HCST: variants seen among roughly 807,000 people sequenced by gnomAD.
HCST encodes the protein hematopoietic cell signal transducer.
In HCST, 12 loss-of-function variants were observed where a neutral mutation model predicts 10.8. That is an observed-to-expected ratio of 1.12 (90% CI 0.72 to 1.81). HCST has a LOEUF of 1.81. Among genes scored for constraint, HCST ranks in the 40% most tolerant of loss-of-function variants. HCST has a pLI of 0.00. For synonymous variants in HCST, 59 were observed against 51.6 expected (o/e 1.14, Z -0.61); for missense variants, 102 against 117.9 (o/e 0.87, Z 0.62).
At chr19:35,903,205 G>A (rs907473317) in intron 1 of HCST, 146 bp from the exon 2 acceptor site, 5 of 662,170 alleles carry the variant, frequency 7.6e-6, no homozygotes, top group Non-Finnish European at 1.4e-5. Context: ...TGCCCAGGCT[G>A]GTCTCGAACT....
In HCST at chr19:35,903,385, A is replaced by C. The variant is rs1283875947; in HGVS notation, c.78A>C (p.Ser26=). 1 of 1,613,870 alleles carries C rather than the reference A, an allele frequency of 6.2e-7. No individual in the cohort carries two copies. Among genetic ancestry groups the C allele is most frequent in the East Asian group, 2.2e-5 (1 of 44,872 alleles). The change falls in exon 2 of 4, where the codon TCA becomes TCC. Residue 26 remains serine, a synonymous_variant. Coordinates refer to ENST00000246551, the MANE Select transcript of HCST (RefSeq NM_014266.4). ...CTCAGACGACTCCAGGAGAGAGATC[A>C]TCACTCCCTGCCTTTTACCCTGGCA... The part of the protein sequence containing the change: ...AAAQTTPGER[S]SLPAFYPGTS...
In HCST at chr19:35,903,672, C is replaced by T; in HGVS notation, c.110-100C>T. 2.6e-6 allele frequency: 4 copies of T among 1,557,430 alleles called. 1 individual carries two copies. In the South Asian group the frequency reaches 4.5e-5, roughly 18 times the overall value. On this transcript the variant is annotated intron_variant, in intron 2 of 3. Transcript: ENST00000246551. ...AAGCGCAACTCCAAGGAACCTGGGA[C>T]CCGCCCCCTCGCAGGGGACTTCCTC...
chr19:35,902,839 G>T, intron 1 of HCST: 1 of 571,856 alleles, frequency 1.7e-6, no homozygotes, highest in Non-Finnish European at 3.1e-6. Flanking sequence ...GCCTGTTAGC[G>T]TCCCCTTCTC....
In HCST at chr19:35,904,115, C is replaced by A; in HGVS notation, c.242-5C>A. 1 of 1,614,022 alleles carries A rather than the reference C, an allele frequency of 6.2e-7. No individual in the cohort carries two copies. The highest frequency in any genetic ancestry group is 8.5e-7 in the Non-Finnish European group (1 of 1,179,930). ...AGCTTCATGCTTTCTCTCCCCTATC[C>A]CCAGAAGATGGCAAAGTCTACATCA... On this transcript the variant is annotated splice_polypyrimidine_tract_variant and splice_region_variant and intron_variant, in intron 3 of 3. Coordinates refer to ENST00000246551, the MANE Select transcript of HCST (RefSeq NM_014266.4).
rs1975653255 is a variant in HCST at position 35,903,968 on chromosome 19, G to A, written c.241+65G>A. On this transcript the variant is annotated intron_variant, in intron 3 of 3. Transcript: ENST00000246551. ...GTCCCTAGGGAGGGGGTCCCAGGGA[G>A]GGGGCCCTTGGGGAAGCCCTGGAGG... 2.5e-6 allele frequency: 4 copies of A among 1,573,546 alleles called. No homozygotes were observed. In the African/African-American group the frequency reaches 4.1e-5, roughly 16 times the overall value.
At chr19:35,903,647 A>G (rs1975638388) in intron 2 of HCST, 125 bp from the exon 3 acceptor site, 1 of 1,394,742 alleles carries the variant, frequency 7.2e-7, no homozygotes, top group African/African-American at 1.4e-5. Context: ...TTCATTCCCC[A>G]AGCGCAACTC....
intron 1 of HCST, 49 bp from the exon 2 acceptor site, chr19:35,903,302 T>C: frequency 6.5e-7 from 1 of 1,530,906 alleles, no homozygotes; most frequent in South Asian, 1.1e-5. Context: ...AGCATTCTGT[T>C]TTGTGGACCT....
chr19:35,903,647 A>C, intron 2 of HCST, 125 bp from the exon 3 acceptor site: 1 of 1,394,860 alleles, frequency 7.2e-7, no homozygotes, highest in Non-Finnish European at 1.0e-6. Context: ...TTCATTCCCC[A>C]AGCGCAACTC....
At position 35,903,966 on chromosome 19, in the gene HCST, G is replaced by A; in HGVS notation, c.241+63G>A. On this transcript the variant is annotated intron_variant, in intron 3 of 3. Transcript: ENST00000246551. Reference sequence around the variant, plus strand: ...GTGTCCCTAGGGAGGGGGTCCCAGGGAGGGGGCCCTTGGGGAAGCCCTGGA... The same window carrying A: ...GTGTCCCTAGGGAGGGGGTCCCAGGAAGGGGGCCCTTGGGGAAGCCCTGGA... The A allele has an allele frequency of 1.9e-6, 3 of 1,578,722 alleles. No homozygotes were observed. The African/African-American group carries it at 4.0e-5, about 21-fold the overall frequency.
intron 3 of HCST, 74 bp from the exon 4 acceptor site, chr19:35,904,046 C>T (rs1975656092): frequency 6.2e-7 from 1 of 1,603,584 alleles, no homozygotes; most frequent in African/African-American, 1.3e-5. Flanking sequence ...TGAGGAAACC[C>T]CTGAAGCAGG....
Position 35,904,353 on chromosome 19 carries a change from C to G in HCST, c.*193C>G, listed in dbSNP as rs1975664070. 1 of 805,124 alleles carries G rather than the reference C, an allele frequency of 1.2e-6. No homozygotes were observed. The highest frequency in any genetic ancestry group is 2.1e-6 in the Non-Finnish European group (1 of 478,248). The allele number at this position is 805,124 out of a possible 1,614,324, so 49.9% of individuals were successfully genotyped here. A position where few individuals can be genotyped will look rare whatever the true frequency, so the allele number is the denominator to read the frequency against. ...ACTGTTTCTGGATCCAAGGCCCCCT[C>G]AGAACCCCCACATGTCCCCATCCCA... On this transcript the variant is annotated 3_prime_UTR_variant, in exon 4 of 4. Transcript: ENST00000246551.
chr19:35,903,621 T>C, intron 2 of HCST, 151 bp from the exon 3 acceptor site: 3 of 1,192,832 alleles, frequency 2.5e-6, no homozygotes, highest in Non-Finnish European at 3.6e-6. Context: ...CCAGCCTCTC[T>C]GCATCTGTCT....
chr19:35,903,953 A>G (rs1568502362), intron 3 of HCST, 50 bp downstream of exon 3: 2 of 1,580,044 alleles, frequency 1.3e-6, no homozygotes, highest in South Asian at 1.1e-5. Context: ...GTCCCTAGGG[A>G]GGGGGTCCCA....
chr19:35,903,794 CCT>C lies in HCST; in HGVS notation c.139_140del (p.Leu47AlafsTer10), dbSNP rs1391552111. ...CAGGCTCTTGTTCCGGATGTGGGTCCCTCTCTCTGCCGCTCCTGGCAGGCCTC... is the reference window on the plus strand; with the variant it reads ...CAGGCTCTTGTTCCGGATGTGGGTCCCTCTCTGCCGCTCCTGGCAGGCCTC... ...TSGSCSGCGSLSLPLLAGLVA... is the reference protein window; with the variant it reads ...TSGSCSGCGSXSLPLLAGLVA... On this transcript the variant is annotated frameshift_variant, in exon 3 of 4. Transcript: ENST00000246551. LOFTEE classifies it high-confidence loss of function. The C allele has an allele frequency of 1.2e-6, 2 of 1,613,988 alleles. No homozygotes were observed. Among genetic ancestry groups the C allele is most frequent in the East Asian group, 2.2e-5 (1 of 44,898 alleles).
At position 35,902,577 on chromosome 19, in the gene HCST, C is replaced by T. The variant is rs767112057; in HGVS notation, c.-17C>T. On this transcript the variant is annotated 5_prime_UTR_variant, in exon 1 of 4. Transcript: ENST00000246551. ...ACCACAGTCCTCTGCCAGACCCCTG[C>T]CAGACCCCAGTCCACCATGATCCAT... The T allele has an allele frequency of 1.9e-6, 3 of 1,613,332 alleles. No homozygotes were observed. The Admixed American group carries it at 5.0e-5, about 27-fold the overall frequency.
intron 1 of HCST, 168 bp from the exon 2 acceptor site, chr19:35,903,183 G>A (rs993550945): frequency 2.0e-5 from 12 of 591,582 alleles, no homozygotes; most frequent in Non-Finnish European, 3.4e-5. Context: ...TAGAGACGAG[G>A]TCTCACTATG....
rs750104405 is a variant in HCST at position 35,902,583 on chromosome 19, C to A, written c.-11C>A. ...GTCCTCTGCCAGACCCCTGCCAGAC[C>A]CCAGTCCACCATGATCCATCTGGGT... On this transcript the variant is annotated 5_prime_UTR_variant, in exon 1 of 4. Transcript: ENST00000246551. 14 of 1,614,024 alleles carry A rather than the reference C, an allele frequency of 8.7e-6. No individual in the cohort carries two copies. The highest frequency in any genetic ancestry group is 1.2e-5 in the Non-Finnish European group (14 of 1,179,952).
rs1374029707 is a variant in HCST, at chr19:35,902,665, G to C, written c.43+29G>C. On this transcript the variant is annotated intron_variant, in intron 1 of 3. Coordinates refer to ENST00000246551, the MANE Select transcript of HCST (RefSeq NM_014266.4). ...AAGCCAGTGGTTACAGGGGATGGTA[G>C]GCAGAGCGTTTGTGAGATGGGTGCT... 3.7e-6 allele frequency: 6 copies of C among 1,612,848 alleles called. No homozygotes were observed. In the African/African-American group the frequency reaches 8.0e-5, roughly 22 times the overall value.
Position 35,902,648 on chromosome 19 carries a change from G to A in HCST, c.43+12G>A. ...GCTTTTGCTCCCAGGTGAAGCCAGT[G>A]GTTACAGGGGATGGTAGGCAGAGCG... On this transcript the variant is annotated intron_variant, in intron 1 of 3. Coordinates refer to ENST00000246551, the MANE Select transcript of HCST (RefSeq NM_014266.4). The A allele has an allele frequency of 1.9e-6, 3 of 1,613,978 alleles. No homozygotes were observed. The East Asian group carries it at 6.7e-5, about 36-fold the overall frequency.
Sources: gnomAD v4.1 joint callset for allele counts on GRCh38, gnomAD v4.1.1 for gene constraint, MANE v1.5 for transcripts, NCBI Gene and HGNC (gene_info 2026-07-23, HGNC 2026-07-21) for gene names.